Variants in DDHD1 observed in about 807,000 individuals in gnomAD.
The protein encoded by DDHD1 is phospholipase DDHD1.
Under a neutral mutation model 96.4 loss-of-function variants are expected in DDHD1, and 49 were observed. The observed-to-expected ratio is 0.51, with a 90% confidence interval of 0.40 to 0.64. The LOEUF is 0.64. Among genes scored for constraint, DDHD1 ranks in the 30% least tolerant of loss-of-function variants. The pLI is 0.00. For missense variants in DDHD1, 1,106 were observed against 1,161.2 expected (o/e 0.95, Z 0.69); for synonymous variants, 442 against 446.5 (o/e 0.99, Z 0.13).
chr14:53,076,930 A>G (rs181407115), intron 4 of DDHD1, among the ~76,000 whole-genome samples: 11 of 152,230 alleles, frequency 7.2e-5, no homozygotes, highest in South Asian at 2.1e-4. Context: ...TCGTGTAAAC[A>G]TAACTTTTAT....
chr14:53,134,375 C>T (rs1336674964), intron 1 of DDHD1, among the ~76,000 whole-genome samples: 1 of 152,156 alleles, frequency 6.6e-6, no homozygotes, highest in Non-Finnish European at 1.5e-5. Flanking sequence ...AGGGCACACT[C>T]CAATACTTTC....
chr14:53,106,506 A>C (rs1887698944), intron 1 of DDHD1, among the ~76,000 whole-genome samples: 1 of 152,144 alleles, frequency 6.6e-6, no homozygotes, highest in Non-Finnish European at 1.5e-5. Context: ...TAAAAATATA[A>C]AAATTAGCTG....
At chr14:53,056,995 C>T (rs1883107594) in intron 9 of DDHD1, among the ~76,000 whole-genome samples, 1 of 151,980 alleles carries the variant, frequency 6.6e-6, no homozygotes. Context: ...TTACTTAATC[C>T]TAACAATCCT....
At chr14:53,150,186 G>C (rs1020812216) in intron 1 of DDHD1, 2 of 152,126 alleles carry the variant, frequency 1.3e-5, no homozygotes, top group African/African-American at 4.8e-5. Flanking sequence ...TTTCAGACCT[G>C]TGTCCTTGTG....
chr14:53,116,063 C>G (rs1888519592), intron 1 of DDHD1, among the ~76,000 whole-genome samples: 1 of 152,120 alleles, frequency 6.6e-6, no homozygotes. Context: ...GAAAAAAAAG[C>G]AGGGGTTGCA....
rs1428286754 is a variant in DDHD1 at position 53,041,434 on chromosome 14, T to C, written c.*5334A>G. Reference sequence around the variant, plus strand: ...CAAAACAAAACACAATAGTAAAAACTCTTCTCATAGTCTCCAAAAAGGATA... The same window carrying C: ...CAAAACAAAACACAATAGTAAAAACCCTTCTCATAGTCTCCAAAAAGGATA... On this transcript the variant is annotated 3_prime_UTR_variant, in exon 13 of 13. Coordinates refer to ENST00000673822, the MANE Select transcript of DDHD1 (RefSeq NM_001160148.2). 6.6e-6 allele frequency: 1 copy of C among 152,016 alleles called. No individual in the cohort carries two copies. Among genetic ancestry groups the C allele is most frequent in the African/African-American group, 2.4e-5 (1 of 41,368 alleles). 9.4% of individuals were successfully genotyped at this position (152,016 alleles called of 1,614,324 possible).
At chr14:53,138,927 T>C (rs1173615044) in intron 1 of DDHD1, among the ~76,000 whole-genome samples, 1 of 152,078 alleles carries the variant, frequency 6.6e-6, no homozygotes, top group Non-Finnish European at 1.5e-5. Flanking sequence ...AGGGGAACAG[T>C]GGCAGGTATG....
At position 53,103,808 on chromosome 14, in the gene DDHD1, G is replaced by A. The variant is rs1028827124; in HGVS notation, c.887C>T (p.Thr296Ile). Reference sequence around the variant, plus strand: ...TTCTTCCTCTTCTAGAGGCTGCCAAGTGCCGTCAATAAACCACTGTCCACG... The same window carrying A: ...TTCTTCCTCTTCTAGAGGCTGCCAAATGCCGTCAATAAACCACTGTCCACG... Reference protein sequence around the residue: ...VMRGQWFIDGTWQPLEEEESN... With the variant: ...VMRGQWFIDGIWQPLEEEESN... Residue 296 changes from threonine (T) to isoleucine (I), a missense_variant, in exon 2 of 13, where the codon ACT becomes ATT. Physicochemically the swap from Thr to Ile is moderately conservative, Grantham distance 89. This residue lies in a region of DDHD1 where 650 missense variants were observed against 758.8 expected (regional missense o/e 0.86). Coordinates refer to ENST00000673822, the MANE Select transcript of DDHD1 (RefSeq NM_001160148.2). 1.2e-6 allele frequency: 2 copies of A among 1,612,238 alleles called. No homozygotes were observed. Among genetic ancestry groups the A allele is most frequent in the African/African-American group, 1.3e-5 (1 of 74,744 alleles).
In DDHD1 at chr14:53,042,958, A is replaced by G. The variant is rs1881757222; in HGVS notation, c.*3810T>C. ...CCTTACTCATTAATTAGCTGAGAAG[A>G]TAGAAATACCAATCTAATGGATCAA... On this transcript the variant is annotated 3_prime_UTR_variant, in exon 13 of 13. Coordinates refer to ENST00000673822, the MANE Select transcript of DDHD1 (RefSeq NM_001160148.2). The G allele has an allele frequency of 6.6e-6, 1 of 152,214 alleles. No homozygotes were observed. 9.4% of individuals were successfully genotyped at this position (152,214 alleles called of 1,614,324 possible).
Position 53,079,290 on chromosome 14 carries a change from C to T in DDHD1, c.1290-5443G>A, listed in dbSNP as rs184293828. ...GTAGAGAAGTGGTGCTAATTTTTCT[C>T]TATTTTTTTTTTAAGACACAGGATC... On this transcript the variant is annotated intron_variant, in intron 4 of 12. Transcript: ENST00000673822. 5.9e-5 allele frequency among the ~76,000 whole-genome samples: 9 copies of T among 151,908 alleles called. No homozygotes were observed. The East Asian group carries it at 1.7e-3, about 29-fold the overall frequency.
Position 53,042,367 on chromosome 14 carries a change from C to T in DDHD1, c.*4401G>A, listed in dbSNP as rs1881718736. On this transcript the variant is annotated 3_prime_UTR_variant, in exon 13 of 13. Transcript: ENST00000673822. ...TATGCCCCTTCCAGCTTTAAAATTC[C>T]ATCATTAATATTTTTTTACTTTACC... 6.6e-6 allele frequency: 1 copy of T among 152,056 alleles called. No homozygotes were observed. The highest frequency in any genetic ancestry group is 6.6e-5 in the Admixed American group (1 of 15,252). 9.4% of individuals were successfully genotyped at this position (152,056 alleles called of 1,614,324 possible). A position where few individuals can be genotyped will look rare whatever the true frequency, so the allele number is the denominator to read the frequency against.
chr14:53,063,873 T>A (rs1883804382), intron 6 of DDHD1, among the ~76,000 whole-genome samples: 1 of 152,156 alleles, frequency 6.6e-6, no homozygotes, highest in African/African-American at 2.4e-5. Context: ...TCGTAATTTT[T>A]CTTTGTAAAA....
intron 6 of DDHD1, among the ~76,000 whole-genome samples, chr14:53,064,113 G>A (rs935807229): frequency 2.6e-5 from 4 of 152,050 alleles, no homozygotes; most frequent in Non-Finnish European, 2.9e-5. Flanking sequence ...TCAGGAATAT[G>A]CAGTGTGAAA....
chr14:53,110,802 CCT>C (rs781164073), intron 1 of DDHD1, among the ~76,000 whole-genome samples: 32 of 151,966 alleles, frequency 2.1e-4, no homozygotes, highest in Non-Finnish European at 3.7e-4. Context: ...ATGGTGAAAC[CCT>C]GTCTCTACTA....
At chr14:53,143,058 A>C (rs962241813) in intron 1 of DDHD1, among the ~76,000 whole-genome samples, 3 of 152,266 alleles carry the variant, frequency 2.0e-5, no homozygotes, top group Non-Finnish European at 1.5e-5. Flanking sequence ...AGATCTTTAA[A>C]TATTTTAACT....
chr14:53,047,092 T>C, intron 12 of DDHD1, 143 bp from the exon 13 acceptor site: 2 of 590,708 alleles, frequency 3.4e-6, no homozygotes, highest in Non-Finnish European at 5.4e-6. Context: ...CATTATCATC[T>C]TAAGAGAAAA....
intron 4 of DDHD1, among the ~76,000 whole-genome samples, chr14:53,076,224 T>TTGTGATTC (rs1216732743): frequency 3.9e-5 from 6 of 152,070 alleles, no homozygotes; most frequent in Non-Finnish European, 7.4e-5. Context: ...TTAAGAACAT[T>TTGTGATTC]TGTGATTCAG....
chr14:53,137,800 T>C (rs1368463968), intron 1 of DDHD1, among the ~76,000 whole-genome samples: 1 of 151,844 alleles, frequency 6.6e-6, no homozygotes, highest in African/African-American at 2.4e-5. Flanking sequence ...TCCCAGAATC[T>C]CAACAAATCC....
At chr14:53,076,268 G>A (rs1034102319) in intron 4 of DDHD1, among the ~76,000 whole-genome samples, 3 of 152,138 alleles carry the variant, frequency 2.0e-5, no homozygotes, top group Non-Finnish European at 4.4e-5. Context: ...CAACATTCCA[G>A]AAGTTTGGAA....
Sources: allele counts gnomAD v4.1 joint callset (sites outside exome capture counted in the v4.1 genomes callset), GRCh38; gene constraint gnomAD v4.1.1; regional missense constraint gnomAD v4.1.1; transcripts MANE v1.5; gene names NCBI Gene and HGNC (gene_info 2026-07-23, HGNC 2026-07-21).